Variants in NT5DC2 observed in about 807,000 individuals in gnomAD.
NT5DC2 encodes the protein 5'-nucleotidase domain-containing protein 2.
Under a neutral mutation model 70.0 loss-of-function variants are expected in NT5DC2, and 41 were observed. The ratio of observed to expected loss-of-function variants is 0.59; its 90% CI spans 0.46 to 0.76. The LOEUF is 0.76. NT5DC2 is among the 30% of genes least tolerant of loss of function. NT5DC2 has a pLI of 0.00. For synonymous variants in NT5DC2, 299 were observed against 310.4 expected, an observed-to-expected ratio of 0.96 and a Z score of 0.39; for missense variants, 705 against 783.2, an observed-to-expected ratio of 0.90 and a Z score of 1.19.
rs1168024435 is a variant in NT5DC2, at chr3:52,528,650, C to T, written c.535G>A (p.Gly179Arg). The T allele has an allele frequency of 6.3e-7, 1 of 1,584,674 alleles. No individual in the cohort carries two copies. The highest frequency in any genetic ancestry group is 8.6e-7 in the Non-Finnish European group (1 of 1,165,972). Residue 179 changes from glycine to arginine, a missense_variant, in exon 4 of 14, where the codon GGG becomes AGG. Physicochemically the swap from Gly to Arg is moderately radical, Grantham distance 125. Transcript: ENST00000422318. ...GAGCCGACTGACCTGTAGGCTGTCC[C>T]CAGCTGCACGTAGTGGAAGGCGTCA... ...KIDAFHYVQL[G>R]TAYRGLQPVP...
chr3:52,524,389 G>T lies in NT5DC2; in HGVS notation c.*81C>A. On this transcript the variant is annotated 3_prime_UTR_variant, in exon 14 of 14. Transcript: ENST00000422318. ...GGGGCTGAAAGCAGAAGCATGCACA[G>T]GGAGGAGACCACTTTTATTGCTTGT... 2 of 1,613,274 alleles carry T rather than the reference G, an allele frequency of 1.2e-6. No homozygotes were observed. Among genetic ancestry groups the T allele is most frequent in the Non-Finnish European group, 1.7e-6 (2 of 1,179,808 alleles).
In NT5DC2 at chr3:52,528,303, G is replaced by A; in HGVS notation, c.651C>T (p.Ser217=). ...AGAAGATGTCCATGAACTGCTTAAT[G>A]GAGGGACCCTGGGGAGGGGGCCATT... ...QMSGFYGKGP[S]IKQFMDIFSL... Residue 217 remains serine, a synonymous_variant, in exon 6 of 14, where the codon TCC becomes TCT. Transcript: ENST00000422318. The A allele has an allele frequency of 2.5e-6, 4 of 1,613,324 alleles. No individual in the cohort carries two copies. The highest frequency in any genetic ancestry group is 3.4e-6 in the Non-Finnish European group (4 of 1,180,020).
intron 10 of NT5DC2, chr3:52,526,058 TGA>T (rs1559736336): frequency 1.9e-5 from 1 of 52,670 alleles, no homozygotes; most frequent in African/African-American, 5.2e-5. Flanking sequence ...TCCTAGTGAC[TGA>T]CAGGCAGGAT....
chr3:52,529,645 G>C lies in NT5DC2; in HGVS notation c.233-311C>G, dbSNP rs2079333659. On this transcript the variant is annotated intron_variant, in intron 1 of 13. Transcript: ENST00000422318. This position sits in a 1 kb window ranked among gnomAD's most constrained non-coding sequence, Gnocchi z 4.1. ...GACTACTCCAGGCCCTCACCACTAA[G>C]CCCCATCAGACACAAGGCCATGCTA... Among the ~76,000 whole-genome samples the C allele has an allele frequency of 1.3e-5, 2 of 152,036 alleles. No homozygotes were observed. The highest frequency in any genetic ancestry group is 1.3e-4 in the Admixed American group (2 of 15,276).
intron 11 of NT5DC2, 24 bp from the exon 12 acceptor site, chr3:52,525,127 G>A: frequency 1.1e-6 from 1 of 942,850 alleles, no homozygotes; most frequent in Non-Finnish European, 1.6e-6. Context: ...CGGCAGAACT[G>A]GGCTCAGCGC....
chr3:52,533,788 C>T lies in NT5DC2; in HGVS notation c.-51G>A, dbSNP rs2153247577. 1.0e-6 allele frequency: 1 copy of T among 974,196 alleles called. No homozygotes were observed. The highest frequency in any genetic ancestry group is 1.2e-6 in the Non-Finnish European group (1 of 823,082). 60.3% of individuals were successfully genotyped at this position (974,196 alleles called of 1,614,324 possible). On this transcript the variant is annotated 5_prime_UTR_variant, in exon 1 of 14. Coordinates refer to ENST00000422318, the MANE Select transcript of NT5DC2 (RefSeq NM_001134231.2). Reference sequence around the variant, plus strand: ...GCGCTGCCCTCGGCCAGCCCGCCGCCCGCCGCCCGCCGCCCTCCGACTGCG... The same window carrying T: ...GCGCTGCCCTCGGCCAGCCCGCCGCTCGCCGCCCGCCGCCCTCCGACTGCG...
At position 52,529,287 on chromosome 3, in the gene NT5DC2, A is replaced by G; in HGVS notation, c.280T>C (p.Tyr94His). 1 of 1,613,942 alleles carries G rather than the reference A, an allele frequency of 6.2e-7. No individual in the cohort carries two copies. The change falls in exon 2 of 14, where the codon TAC becomes CAC. Residue 94 changes from tyrosine (Y) to histidine (H), a missense_variant. Transcript: ENST00000422318. This position sits in a 1 kb window ranked among gnomAD's most constrained non-coding sequence, Gnocchi z 4.1. ...CGCAGGCTGATCTCGTTGTTGGCGT[A>G]GATGGCTGCTGGGTTCAGGAGACTG... ...VCSLLNPAAI[Y>H]ANNEISLRDV...
chr3:52,526,140 A>AAGTC (rs1248304741), intron 10 of NT5DC2: 1 of 152,418 alleles, frequency 6.6e-6, no homozygotes, highest in South Asian at 2.1e-4. Flanking sequence ...CCAGGGAAGA[A>AAGTC]AGTCATGTGT....
upstream of NT5DC2, chr3:52,534,804 G>C (rs1662114663): frequency 1.1e-6 from 1 of 941,474 alleles, no homozygotes; most frequent in Non-Finnish European, 1.6e-6. Flanking sequence ...GTCTTTCAGG[G>C]TGTGTGTACA....
intron 10 of NT5DC2, 25 bp from the exon 11 acceptor site, chr3:52,525,320 T>C (rs774191299): frequency 1.3e-6 from 2 of 1,583,174 alleles, no homozygotes; most frequent in Non-Finnish European, 1.7e-6. Flanking sequence ...GGAATGCTGC[T>C]GAGCCAAGTG....
chr3:52,526,036 A>AGACT (rs974829892), intron 10 of NT5DC2: 10 of 134,166 alleles, frequency 7.5e-5, no homozygotes, highest in East Asian at 4.3e-4. Flanking sequence ...AAAGGGCAGG[A>AGACT]GACTGACAGA....
Position 52,531,519 on chromosome 3 carries a change from A to C in NT5DC2, c.232+1987T>G, listed in dbSNP as rs549371859. Among the ~76,000 whole-genome samples, 169 of 152,054 alleles carry C rather than the reference A, an allele frequency of 1.1e-3. No individual in the cohort carries two copies. Among genetic ancestry groups the C allele is most frequent in the Non-Finnish European group, 1.9e-3 (127 of 67,996 alleles). On this transcript the variant is annotated intron_variant, in intron 1 of 13. Coordinates refer to ENST00000422318, the MANE Select transcript of NT5DC2 (RefSeq NM_001134231.2). This position sits in a 1 kb window ranked among gnomAD's most constrained non-coding sequence, Gnocchi z 4.1. The stretch of plus-strand genomic sequence containing the variant: ...CAGGCCTTCACCTCTGCCCCTAAGG[A>C]TGTTCCCAGGGGCCCAGGGGCAGAC...
Position 52,524,393 on chromosome 3 carries a change from G to A in NT5DC2, c.*77C>T. On this transcript the variant is annotated 3_prime_UTR_variant, in exon 14 of 14. Transcript: ENST00000422318. ...CTGAAAGCAGAAGCATGCACAGGGA[G>A]GAGACCACTTTTATTGCTTGTCTGG... is the stretch of plus-strand genomic sequence containing the variant. The A allele has an allele frequency of 1.2e-6, 2 of 1,613,080 alleles. No homozygotes were observed. Among genetic ancestry groups the A allele is most frequent in the Non-Finnish European group, 1.7e-6 (2 of 1,179,688 alleles).
intron 4 of NT5DC2, 25 bp from the exon 5 acceptor site, chr3:52,528,564 G>A: frequency 6.5e-7 from 1 of 1,545,308 alleles, no homozygotes; most frequent in Non-Finnish European, 8.8e-7. Context: ...GATACCATCA[G>A]TCCAAGGTAG....
rs1381425631 is a variant in NT5DC2, at chr3:52,527,294, C to T, written c.1119G>A (p.Gln373=). Residue 373 remains glutamine (Q), a splice_region_variant and synonymous_variant, in exon 10 of 14, where the codon CAG becomes CAA. Transcript: ENST00000422318. ...TRLEKGKIYR[Q]GNLFDFLRLT... ...GCTGCTCTCCCCAGATGGCCCTTAC[C>T]TGCCGATAGATCTTGCCCTTTTCCA... The T allele has an allele frequency of 5.6e-6, 9 of 1,614,102 alleles. No individual in the cohort carries two copies. The highest frequency in any genetic ancestry group is 7.6e-6 in the Non-Finnish European group (9 of 1,179,982).
Position 52,525,236 on chromosome 3 carries a change from G to T in NT5DC2, c.1179C>A (p.Phe393Leu), listed in dbSNP as rs370982533. 1 of 1,612,614 alleles carries T rather than the reference G, an allele frequency of 6.2e-7. No individual in the cohort carries two copies. The change falls in exon 11 of 14, where the codon TTC becomes TTA. Residue 393 changes from phenylalanine to leucine, a missense_variant. By Grantham distance (22) the Phe-to-Leu change is conservative. Transcript: ENST00000422318. ...CCAGATCACTATAGAGGTGGTCCCC[G>T]AAGTAGAGCACGCGGGGGCCACGCC... Reference protein sequence around the residue: ...TEWRGPRVLYFGDHLYSDLAD... With the variant: ...TEWRGPRVLYLGDHLYSDLAD...
At chr3:52,527,256 GCCC>G (rs975059570) in intron 10 of NT5DC2, 35 bp downstream of exon 10, 4 of 1,592,420 alleles carry the variant, frequency 2.5e-6, no homozygotes, top group Non-Finnish European at 3.4e-6. Flanking sequence ...TAGGCCCCAT[GCCC>G]CCACCACATG....
In NT5DC2 at chr3:52,529,367, G is replaced by A. The variant is rs920952679; in HGVS notation, c.233-33C>T. 7.5e-6 allele frequency: 12 copies of A among 1,602,102 alleles called. No homozygotes were observed. The highest frequency in any genetic ancestry group is 1.3e-5 in the African/African-American group (1 of 74,680). Reference sequence around the variant, plus strand: ...AAGGAGATGCAGGGAGGCAGTGATGGGGATGATGATCCCTGCAGCAGCTAT... The same window carrying A: ...AAGGAGATGCAGGGAGGCAGTGATGAGGATGATGATCCCTGCAGCAGCTAT... On this transcript the variant is annotated intron_variant, in intron 1 of 13. Transcript: ENST00000422318. The surrounding 1 kb of genome is among the most constrained non-coding windows in gnomAD (Gnocchi z 4.1).
In NT5DC2 at chr3:52,529,368, G is replaced by A. The variant is rs1470778495; in HGVS notation, c.233-34C>T. 6.2e-7 allele frequency: 1 copy of A among 1,600,474 alleles called. No individual in the cohort carries two copies. Among genetic ancestry groups the A allele is most frequent in the Middle Eastern group, 1.7e-4 (1 of 5,960 alleles). On this transcript the variant is annotated intron_variant, in intron 1 of 13. Coordinates refer to ENST00000422318, the MANE Select transcript of NT5DC2 (RefSeq NM_001134231.2). This position sits in a 1 kb window ranked among gnomAD's most constrained non-coding sequence, Gnocchi z 4.1. The stretch of plus-strand genomic sequence containing the variant: ...AGGAGATGCAGGGAGGCAGTGATGG[G>A]GATGATGATCCCTGCAGCAGCTATG...
Sources: allele counts gnomAD v4.1 joint callset (sites outside exome capture counted in the v4.1 genomes callset), GRCh38; gene constraint gnomAD v4.1.1; non-coding constraint Gnocchi (gnomAD v3.1); transcripts MANE v1.5; gene names NCBI Gene and HGNC (gene_info 2026-07-23, HGNC 2026-07-21).